Variants in TENM3 observed in about 807,000 individuals in gnomAD.
TENM3 encodes teneurin transmembrane protein 3, also known as teneurin-3.
In TENM3, 63 loss-of-function variants were observed where a neutral mutation model predicts 255.1. The observed-to-expected ratio is 0.25, with a 90% CI of 0.20 to 0.30. The LOEUF (loss-of-function observed/expected upper bound fraction) is 0.30, where lower values mean the gene tolerates loss of function less well. Among genes scored for constraint, TENM3 ranks in the 10% least tolerant of loss-of-function variants. TENM3 has a pLI of 1.00. For missense variants in TENM3, 2,929 were observed against 3,461.1 expected (o/e 0.85, Z 3.86); for synonymous variants, 1,306 against 1,322.3 (o/e 0.99, Z 0.27).
the TENM3 span, among the ~76,000 whole-genome samples, chr4:181,905,546 T>C: frequency 3.3e-5 from 5 of 152,078 alleles, no homozygotes; most frequent in Admixed American, 6.5e-5. Context: ...TTTTTTTTTT[T>C]TTTTCTGGCT....
chr4:181,963,418 C>T, the TENM3 span, among the ~76,000 whole-genome samples: 1 of 152,062 alleles, frequency 6.6e-6, no homozygotes, highest in African/African-American at 2.4e-5. Context: ...GCAATATTTT[C>T]GGTTAAATTT....
intron 3 of TENM3, among the ~76,000 whole-genome samples, chr4:182,372,265 T>G (rs2150864880): frequency 6.6e-6 from 1 of 152,346 alleles, no homozygotes; most frequent in Admixed American, 6.5e-5. Context: ...TATGGGATTA[T>G]AAATAACAGC....
At chr4:181,991,480 GTGGTATGGAACC>G in the TENM3 span, among the ~76,000 whole-genome samples, 1 of 152,090 alleles carries the variant, frequency 6.6e-6, no homozygotes, top group Non-Finnish European at 1.5e-5. Flanking sequence ...GCTTAATCGG[GTGGTATGGAACC>G]TGTCGCTGTT....
intron 1 of TENM3, among the ~76,000 whole-genome samples, chr4:182,176,821 A>ATTTTTTTTTTTTTTTT (rs529637466): frequency 8.8e-6 from 1 of 113,358 alleles, no homozygotes; most frequent in African/African-American, 3.3e-5. Context: ...CATCCGGCTA[A>ATTTTTTTTTTTTTTTT]TTTTTTTTTT....
At chr4:181,452,050 G>A in the TENM3 span, among the ~76,000 whole-genome samples, 1 of 152,174 alleles carries the variant, frequency 6.6e-6, no homozygotes, top group South Asian at 2.1e-4. Context: ...GGAAGAAGAG[G>A]GCATTTCAAT....
At chr4:181,508,819 G>A in the TENM3 span, among the ~76,000 whole-genome samples, 1 of 142,528 alleles carries the variant, frequency 7.0e-6, no homozygotes, top group Admixed American at 7.1e-5. Flanking sequence ...ACTGCTTGAT[G>A]TTAATCTATT....
chr4:182,157,817 C>T (rs774306712), intron 1 of TENM3, among the ~76,000 whole-genome samples: 15 of 152,294 alleles, frequency 9.8e-5, no homozygotes, highest in African/African-American at 3.4e-4. Flanking sequence ...GAGGCATCAA[C>T]GGTAGCAAGC....
chr4:181,574,260 G>A, the TENM3 span, among the ~76,000 whole-genome samples: 10 of 152,082 alleles, frequency 6.6e-5, no homozygotes, highest in Admixed American at 3.9e-4. Flanking sequence ...GGCCGGGCGC[G>A]GTGGCTCACG....
At chr4:182,473,808 T>C (rs1174843785) in intron 3 of TENM3, among the ~76,000 whole-genome samples, 1 of 151,366 alleles carries the variant, frequency 6.6e-6, no homozygotes, top group African/African-American at 2.4e-5. Flanking sequence ...AAAATAAGAA[T>C]ATTAGCAAGG....
At chr4:182,613,642 A>G (rs1336150219) in intron 4 of TENM3, among the ~76,000 whole-genome samples, 1 of 152,006 alleles carries the variant, frequency 6.6e-6, no homozygotes, top group African/African-American at 2.4e-5. Context: ...TCTTCTTAAC[A>G]CTCTCTAGAA....
chr4:182,470,449 C>T (rs1733010784), intron 3 of TENM3, among the ~76,000 whole-genome samples: 1 of 152,130 alleles, frequency 6.6e-6, no homozygotes, highest in South Asian at 2.1e-4. Flanking sequence ...GAACACAGCT[C>T]CTTTGGTTAA....
chr4:182,106,190 G>A, the TENM3 span, among the ~76,000 whole-genome samples: 3 of 152,264 alleles, frequency 2.0e-5, no homozygotes, highest in East Asian at 1.9e-4. Context: ...TGCGGGGCAC[G>A]GTGGCTCATA....
At chr4:181,686,916 C>T in the TENM3 span, among the ~76,000 whole-genome samples, 1 of 151,964 alleles carries the variant, frequency 6.6e-6, no homozygotes, top group Non-Finnish European at 1.5e-5. Flanking sequence ...TTTTTCTTCC[C>T]CTCTTTTAAA....
chr4:182,318,790 CAG>C (rs1315258758), intron 1 of TENM3, among the ~76,000 whole-genome samples: 1 of 152,158 alleles, frequency 6.6e-6, no homozygotes, highest in Non-Finnish European at 1.5e-5. Context: ...TTTTTTGAGA[CAG>C]AGTCGCACTC....
intron 1 of TENM3, among the ~76,000 whole-genome samples, chr4:182,275,016 G>T (rs1759904624): frequency 6.6e-6 from 1 of 152,006 alleles, no homozygotes; most frequent in Non-Finnish European, 1.5e-5. Flanking sequence ...GTAGAGATGG[G>T]GTTCCACCAT....
At chr4:181,447,729 T>C in the TENM3 span, among the ~76,000 whole-genome samples, 14 of 152,182 alleles carry the variant, frequency 9.2e-5, no homozygotes, top group Non-Finnish European at 1.6e-4. Flanking sequence ...ACAGCCAACC[T>C]ACCCTGGAGT....
chr4:182,150,962 T>C (rs1750296147), intron 1 of TENM3, among the ~76,000 whole-genome samples: 1 of 152,092 alleles, frequency 6.6e-6, no homozygotes, highest in African/African-American at 2.4e-5. Flanking sequence ...AAAAGCTACT[T>C]TTTTATTAGA....
chr4:181,608,190 G>T, the TENM3 span, among the ~76,000 whole-genome samples: 1 of 152,206 alleles, frequency 6.6e-6, no homozygotes, highest in Non-Finnish European at 1.5e-5. Flanking sequence ...CTAAGAGGGA[G>T]AGAGCAAGAG....
chr4:181,574,249 C>T, the TENM3 span, among the ~76,000 whole-genome samples: 402 of 152,248 alleles, frequency 2.6e-3, 5 homozygotes, highest in African/African-American at 8.9e-3. Flanking sequence ...AAATGTCTTC[C>T]GGCCGGGCGC....
Sources: gnomAD v4.1 joint callset for allele counts (sites outside exome capture counted in the v4.1 genomes callset) on GRCh38, gnomAD v4.1.1 for gene constraint, MANE v1.5 for transcripts, NCBI Gene and HGNC (gene_info 2026-07-23, HGNC 2026-07-21) for gene names.